THRA: variants seen among roughly 807,000 people sequenced by gnomAD.
THRA encodes the protein EAR-7.
Under a neutral mutation model 45.0 loss-of-function variants are expected in THRA, and 13 were observed. The observed-to-expected ratio is 0.29, with a 90% CI of 0.19 to 0.46. The LOEUF (loss-of-function observed/expected upper bound fraction) is 0.46, where lower values mean the gene tolerates loss of function less well. Among genes scored for constraint, THRA ranks in the 20% least tolerant of loss-of-function variants. The probability of loss-of-function intolerance (pLI) is 1.00; values close to 1 mark genes in which losing one functional copy is unlikely to be tolerated. For missense variants in THRA, 278 were observed against 556.1 expected (o/e 0.50, Z 5.03); for synonymous variants, 195 against 214.0 (o/e 0.91, Z 0.78).
intron 1 of THRA, among the ~76,000 whole-genome samples, chr17:40,069,370 C>G (rs1232968419): frequency 6.6e-6 from 1 of 150,718 alleles, no homozygotes; most frequent in Non-Finnish European, 1.5e-5. Flanking sequence ...CCTGGGAGAA[C>G]ATCCCTCCCT....
intron 1 of THRA, among the ~76,000 whole-genome samples, chr17:40,071,749 T>G (rs1211428004): frequency 1.3e-5 from 2 of 152,220 alleles, no homozygotes; most frequent in Non-Finnish European, 2.9e-5. Context: ...CCTTACCCGC[T>G]GACCTTTTTC....
intron 2 of THRA, among the ~76,000 whole-genome samples, chr17:40,074,953 C>T (rs192855869): frequency 1.3e-5 from 2 of 152,352 alleles, no homozygotes. Context: ...CTGCGGTTCA[C>T]GTAATACATT....
In THRA at chr17:40,089,231, C is replaced by G; in HGVS notation, c.1008C>G (p.Asp336Glu). Residue 336 changes from aspartate to glutamate, a missense_variant, in exon 9 of 9, where the codon GAC (aspartate) becomes GAG (glutamate). Physicochemically the swap from Asp to Glu is conservative, Grantham distance 45. Around this residue, in one of 6 missense-constraint regions of THRA, gnomAD observed 66 missense variants for 94.7 expected, o/e 0.70. Coordinates refer to ENST00000450525, the MANE Select transcript of THRA (RefSeq NM_199334.5). This position sits in a 1 kb window ranked among gnomAD's most constrained non-coding sequence, Gnocchi z 6.1. Reference protein sequence around the residue: ...STDRSGLLCVDKIEKSQEAYL... With the variant: ...STDRSGLLCVEKIEKSQEAYL... ...ACCGCTCGGGCCTGCTGTGTGTGGA[C>G]AAGATCGAGAAGAGTCAGGAGGCGT... 6.2e-7 allele frequency: 1 copy of G among 1,614,026 alleles called. No individual in the cohort carries two copies. Among genetic ancestry groups the G allele is most frequent in the Non-Finnish European group, 8.5e-7 (1 of 1,180,012 alleles).
Position 40,078,888 on chromosome 17 carries a change from C to T in THRA, c.222+1280C>T, listed in dbSNP as rs571039456. Among the ~76,000 whole-genome samples, 8 of 152,040 alleles carry T rather than the reference C, an allele frequency of 5.3e-5. No individual in the cohort carries two copies. In the East Asian group the frequency reaches 5.8e-4, roughly 11 times the overall value. On this transcript the variant is annotated intron_variant, in intron 4 of 8. Transcript: ENST00000450525. ...CTGGGACTACAGGCACCTGCCACCA[C>T]GCCCAGCTAACTTTTATATTTTTAA...
At chr17:40,083,088 G>A (rs1365972080) in intron 4 of THRA, among the ~76,000 whole-genome samples, 3 of 151,852 alleles carry the variant, frequency 2.0e-5, no homozygotes, top group South Asian at 2.1e-4. Context: ...CACCATGCCC[G>A]GCTATTTTTT....
chr17:40,078,976 C>T (rs538527206), intron 4 of THRA, among the ~76,000 whole-genome samples: 130 of 152,164 alleles, frequency 8.5e-4, no homozygotes, highest in Non-Finnish European at 1.4e-3. Context: ...GTGATCCGCC[C>T]GCCTTGGCCT....
intron 1 of THRA, among the ~76,000 whole-genome samples, chr17:40,073,095 T>C (rs1986834647): frequency 6.6e-6 from 1 of 152,212 alleles, no homozygotes; most frequent in Non-Finnish European, 1.5e-5. Flanking sequence ...TGGCTGCTTA[T>C]CAGCTCCTGG....
rs1987637572 is a variant in THRA, at chr17:40,092,910, A to G, written c.*3454A>G. On this transcript the variant is annotated 3_prime_UTR_variant, in exon 9 of 9. Coordinates refer to ENST00000450525, the MANE Select transcript of THRA (RefSeq NM_199334.5). ...AGGAGGGGAAGTTCGGTGATGGGGG[A>G]GGGAGGCAGGTATTTACAAGAAGGC... 2.8e-6 allele frequency: 4 copies of G among 1,436,494 alleles called. No individual in the cohort carries two copies. The highest frequency in any genetic ancestry group is 3.7e-6 in the Non-Finnish European group (4 of 1,075,714). 89.0% of individuals were successfully genotyped at this position (1,436,494 alleles called of 1,614,324 possible). A position where few individuals can be genotyped will look rare whatever the true frequency, so the allele number is the denominator to read the frequency against.
At chr17:40,077,395 G>A (rs1382013502) in intron 3 of THRA, 113 bp from the exon 4 acceptor site, 5 of 832,030 alleles carry the variant, frequency 6.0e-6, no homozygotes, top group Non-Finnish European at 8.0e-6. Flanking sequence ...CAGGGAGGCT[G>A]GGCTAGGAGA....
downstream of THRA, chr17:40,093,825 C>G (rs570537161): frequency 6.1e-5 from 76 of 1,248,584 alleles, no homozygotes; most frequent in Admixed American, 1.1e-4. This position sits in a 1 kb window ranked among gnomAD's most constrained non-coding sequence, Gnocchi z 5.9. Context: ...GGTGCAGGGC[C>G]TGGCATAGAG....
rs746037223 is a variant in THRA, at chr17:40,084,724, C to A, written c.485C>A (p.Pro162His). The A allele has an allele frequency of 1.9e-6, 3 of 1,614,104 alleles. No individual in the cohort carries two copies. Among genetic ancestry groups the A allele is most frequent in the Non-Finnish European group, 2.5e-6 (3 of 1,180,014 alleles). The change falls in exon 6 of 9, where the codon CCT (proline) becomes CAT (histidine). Residue 162 changes from proline (P) to histidine (H), a missense_variant. Coordinates refer to ENST00000450525, the MANE Select transcript of THRA (RefSeq NM_199334.5). ...RSLQQRPEPT[P>H]EEWDLIHIAT... ...CTGCAGCAGCGACCAGAGCCCACTC[C>A]TGAAGAGTGGGATCTGATCCACATT...
At chr17:40,082,480 C>T (rs1987175131) in intron 4 of THRA, among the ~76,000 whole-genome samples, 3 of 151,818 alleles carry the variant, frequency 2.0e-5, no homozygotes, top group Admixed American at 2.0e-4. Context: ...AGCGATTCTC[C>T]TGCCTCAGCC....
At chr17:40,068,094 A>T (rs774550653) in intron 1 of THRA, among the ~76,000 whole-genome samples, 22 of 152,226 alleles carry the variant, frequency 1.4e-4, no homozygotes, top group Non-Finnish European at 2.9e-5. Flanking sequence ...AAAGGTGTCT[A>T]GGGGACTTTG....
chr17:40,071,512 T>C (rs1179215183), intron 1 of THRA, among the ~76,000 whole-genome samples: 1 of 152,210 alleles, frequency 6.6e-6, no homozygotes, highest in Non-Finnish European at 1.5e-5. Context: ...GCAGCTCTTA[T>C]CTCACAAGGA....
rs2041314959 is a variant in THRA at position 40,092,512 on chromosome 17, G to A, written c.*3056G>A. 1 of 155,320 alleles carries A rather than the reference G, an allele frequency of 6.4e-6. No homozygotes were observed. Among genetic ancestry groups the A allele is most frequent in the Admixed American group, 6.2e-5 (1 of 16,026 alleles). The allele number at this position is 155,320 out of a possible 1,614,324, so 9.6% of individuals were successfully genotyped here. A position where few individuals can be genotyped will look rare whatever the true frequency, so the allele number is the denominator to read the frequency against. On this transcript the variant is annotated 3_prime_UTR_variant, in exon 9 of 9. Coordinates refer to ENST00000450525, the MANE Select transcript of THRA (RefSeq NM_199334.5). ...TTGACAATCAGTATGTCTGTTATGT[G>A]CGATTTTTCACCCCGTTGTGTTTTG...
chr17:40,080,404 TAAAAACAAAAAACAAAC>T (rs1411346407), intron 4 of THRA, among the ~76,000 whole-genome samples: 2 of 145,566 alleles, frequency 1.4e-5, no homozygotes, highest in Non-Finnish European at 3.0e-5. Flanking sequence ...GACCCTGTCT[TAAAAACAAAAAACAAAC>T]AAAAAAAAAA....
chr17:40,065,934 C>A (rs921347127), intron 1 of THRA, among the ~76,000 whole-genome samples: 1 of 152,236 alleles, frequency 6.6e-6, no homozygotes, highest in Non-Finnish European at 1.5e-5. Flanking sequence ...GGAAAAGAAC[C>A]GCCCCCATGG....
chr17:40,065,772 A>AG (rs59804949), intron 1 of THRA, among the ~76,000 whole-genome samples: 11,325 of 104,618 alleles, frequency 0.11, 581 homozygotes, highest in Non-Finnish European at 0.17. Context: ...GAATGGGGGA[A>AG]GGGGGGGGGG....
At chr17:40,074,586 G>T (rs764871272) in intron 2 of THRA, 45 bp downstream of exon 2, 9 of 1,609,068 alleles carry the variant, frequency 5.6e-6, no homozygotes, top group Non-Finnish European at 7.7e-6. Flanking sequence ...TAAGCAGCAG[G>T]CATGGGCACC....
Sources: allele counts gnomAD v4.1 joint callset (sites outside exome capture counted in the v4.1 genomes callset), GRCh38; gene constraint gnomAD v4.1.1; regional missense constraint gnomAD v4.1.1; non-coding constraint Gnocchi (gnomAD v3.1); transcripts MANE v1.5; gene names NCBI Gene and HGNC (gene_info 2026-07-23, HGNC 2026-07-21).